JMJD1C: variants seen among roughly 807,000 people sequenced by gnomAD.
JMJD1C encodes the protein jumonji domain containing 1C.
A neutral mutation model predicts 245.3 loss-of-function variants in JMJD1C; 31 were observed. The observed-to-expected ratio is 0.13, with a 90% CI of 0.09 to 0.17. The LOEUF (loss-of-function observed/expected upper bound fraction) is 0.17, where lower values mean the gene tolerates loss of function less well. Among genes scored for constraint, JMJD1C ranks in the 10% least tolerant of loss-of-function variants. The pLI is 1.00. For missense variants in JMJD1C, 2,691 were observed against 3,000.2 expected, an observed-to-expected ratio of 0.90 and a Z score of 2.41; for synonymous variants, 1,057 against 1,017.4, an observed-to-expected ratio of 1.04 and a Z score of -0.74.
chr10:63,213,799 C>T lies in JMJD1C; in HGVS notation c.2368G>A (p.Val790Ile). The T allele has an allele frequency of 6.2e-7, 1 of 1,613,960 alleles. No individual in the cohort carries two copies. Among genetic ancestry groups the T allele is most frequent in the Non-Finnish European group, 8.5e-7 (1 of 1,179,944 alleles). ...GTGGGAAGTAAATGAGGGTGATGAA[C>T]AGCATGGTGTGGACCACTAGTCAGA... Reference protein sequence around the residue: ...HPLTSGPHHAVHHPHLLPTVL... With the variant: ...HPLTSGPHHAIHHPHLLPTVL... The change falls in exon 8 of 26, where the codon GTT becomes ATT. Residue 790 changes from valine (V) to isoleucine (I), a missense_variant. Coordinates refer to ENST00000399262, the MANE Select transcript of JMJD1C (RefSeq NM_032776.3).
chr10:63,357,576 G>C (rs1030355553), intron 2 of JMJD1C, among the ~76,000 whole-genome samples: 1 of 152,042 alleles, frequency 6.6e-6, no homozygotes, highest in Non-Finnish European at 1.5e-5. Context: ...AACGTGCTGG[G>C]ATTACAGGTA....
chr10:63,264,714 T>C lies in JMJD1C; in HGVS notation c.384A>G (p.Val128=). ...CCAGTTGCTTATCTACAAGGAATTC[T>C]ACTGCAGTGACTGAACTGGGTATAT... is the stretch of plus-strand genomic sequence containing the variant. ...ERNIPSSVTA[V]EFLVDKQLDF... Residue 128 remains valine (V), a synonymous_variant, in exon 3 of 26, where the codon GTA becomes GTG. Coordinates refer to ENST00000399262, the MANE Select transcript of JMJD1C (RefSeq NM_032776.3). The C allele has an allele frequency of 2.5e-6, 4 of 1,602,560 alleles. No homozygotes were observed. Among genetic ancestry groups the C allele is most frequent in the Non-Finnish European group, 3.4e-6 (4 of 1,174,042 alleles).
At chr10:63,496,364 GA>G (rs200682899) in intron 1 of JMJD1C, among the ~76,000 whole-genome samples, 1 of 150,742 alleles carries the variant, frequency 6.6e-6, no homozygotes, top group Non-Finnish European at 1.5e-5. Context: ...TTTAAAAAGA[GA>G]AAAAAAAATA....
At chr10:63,250,610 T>G (rs1201530704) in intron 3 of JMJD1C, among the ~76,000 whole-genome samples, 1 of 152,212 alleles carries the variant, frequency 6.6e-6, no homozygotes, top group Non-Finnish European at 1.5e-5. Flanking sequence ...AACACTAGGT[T>G]TTGTTAAACA....
chr10:63,495,495 C>CGA (rs1954329649), intron 1 of JMJD1C, among the ~76,000 whole-genome samples: 4 of 151,548 alleles, frequency 2.6e-5, no homozygotes, highest in Admixed American at 2.6e-4. Context: ...TGATAGGCTG[C>CGA]GAGTGGTGGC....
intron 2 of JMJD1C, among the ~76,000 whole-genome samples, chr10:63,266,766 TGAAAAA>T (rs1855622165): frequency 6.6e-6 from 1 of 152,180 alleles, no homozygotes; most frequent in South Asian, 2.1e-4. Flanking sequence ...AAGTAGGATT[TGAAAAA>T]GAAGTAAAGT....
Position 63,167,439 on chromosome 10 carries a change from T to TA in JMJD1C, c.*605dup, listed in dbSNP as rs1453654817. ...TTTACCAAAATGAGACAATTTTAAA[T>TA]AAATTACACCTTTTGAAAATGTTTA... On this transcript the variant is annotated 3_prime_UTR_variant, in exon 26 of 26. Coordinates refer to ENST00000399262, the MANE Select transcript of JMJD1C (RefSeq NM_032776.3). 19 of 152,770 alleles carry TA rather than the reference T, an allele frequency of 1.2e-4. No individual in the cohort carries two copies. Among genetic ancestry groups the TA allele is most frequent in the African/African-American group, 4.6e-4 (19 of 41,586 alleles). 9.5% of individuals were successfully genotyped at this position (152,770 alleles called of 1,614,324 possible).
chr10:63,319,361 C>CTT (rs142067090), intron 2 of JMJD1C, among the ~76,000 whole-genome samples: 1 of 144,056 alleles, frequency 6.9e-6, no homozygotes, highest in Admixed American at 6.9e-5. Flanking sequence ...TTGTTTGTGA[C>CTT]TTTTTTTTTT....
intron 1 of JMJD1C, among the ~76,000 whole-genome samples, chr10:63,446,984 C>A (rs183192025): frequency 6.6e-6 from 1 of 151,218 alleles, no homozygotes; most frequent in Admixed American, 6.6e-5. Flanking sequence ...ATCTTTGTGA[C>A]ATACTCTGTT....
intron 2 of JMJD1C, among the ~76,000 whole-genome samples, chr10:63,317,728 A>T (rs969485657): frequency 2.0e-5 from 3 of 152,180 alleles, no homozygotes; most frequent in Non-Finnish European, 2.9e-5. Flanking sequence ...TAAATATTTG[A>T]TATCATTCCA....
At chr10:63,282,080 C>T (rs547671612) in intron 2 of JMJD1C, among the ~76,000 whole-genome samples, 1 of 152,196 alleles carries the variant, frequency 6.6e-6, no homozygotes, top group Non-Finnish European at 1.5e-5. Flanking sequence ...CTCTTAGAAA[C>T]TTGAATAAGA....
intron 1 of JMJD1C, among the ~76,000 whole-genome samples, chr10:63,397,184 GTAAC>G (rs1433870918): frequency 1.3e-5 from 2 of 152,050 alleles, no homozygotes; most frequent in Admixed American, 6.6e-5. Context: ...TCAAACAAAA[GTAAC>G]TATTATTTAT....
chr10:63,255,621 A>T lies in JMJD1C; in HGVS notation c.447+9030T>A, dbSNP rs1236188267. On this transcript the variant is annotated intron_variant, in intron 3 of 25. Transcript: ENST00000399262. ...ATCACAATACTCACACCCTTTTAAA[A>T]CTTAATCTACTTTACATCGTTTCTA... 3.3e-5 allele frequency among the ~76,000 whole-genome samples: 5 copies of T among 152,306 alleles called. No individual in the cohort carries two copies. The East Asian group carries it at 7.7e-4, about 23-fold the overall frequency.
At chr10:63,184,230 T>C (rs1843831791) in intron 21 of JMJD1C, among the ~76,000 whole-genome samples, 1 of 147,140 alleles carries the variant, frequency 6.8e-6, no homozygotes, top group South Asian at 2.2e-4. Context: ...CGCCCATCCT[T>C]GAACAGAAAT....
intron 1 of JMJD1C, among the ~76,000 whole-genome samples, chr10:63,422,525 A>G (rs557844526): frequency 2.0e-5 from 3 of 152,264 alleles, no homozygotes; most frequent in Non-Finnish European, 2.9e-5. Context: ...GGAATATCTT[A>G]TATTTTCTAC....
chr10:63,174,327 A>G (rs1019755783), intron 24 of JMJD1C, among the ~76,000 whole-genome samples: 1 of 152,356 alleles, frequency 6.6e-6, no homozygotes, highest in Middle Eastern at 3.4e-3. Context: ...TAAAAAATGA[A>G]AAAAATATTC....
At chr10:63,382,595 A>T (rs1947302062) in intron 1 of JMJD1C, among the ~76,000 whole-genome samples, 1 of 152,204 alleles carries the variant, frequency 6.6e-6, no homozygotes, top group Non-Finnish European at 1.5e-5. Flanking sequence ...ATCATACACA[A>T]CAGTAAAAAA....
intron 2 of JMJD1C, among the ~76,000 whole-genome samples, chr10:63,272,260 A>AT (rs1202775619): frequency 6.6e-6 from 1 of 151,956 alleles, no homozygotes; most frequent in Non-Finnish European, 1.5e-5. Context: ...AGGTAACTTT[A>AT]TTTTTTTGAG....
chr10:63,330,181 C>CGTGA, intron 2 of JMJD1C, among the ~76,000 whole-genome samples: 1 of 152,294 alleles, frequency 6.6e-6, no homozygotes, highest in East Asian at 1.9e-4. Context: ...GGACTACAGG[C>CGTGA]GTGAGCCACC....
Sources: allele counts gnomAD v4.1 joint callset (sites outside exome capture counted in the v4.1 genomes callset), GRCh38; gene constraint gnomAD v4.1.1; transcripts MANE v1.5; gene names NCBI Gene and HGNC (gene_info 2026-07-23, HGNC 2026-07-21).